Variants in EML1 observed in about 807,000 individuals in gnomAD.
EML1 encodes the protein EMAP like 1, also known as echinoderm microtubule-associated protein-like 1.
Under a neutral mutation model 110.4 loss-of-function variants are expected in EML1, and 27 were observed. The observed-to-expected ratio is 0.24, with a 90% confidence interval of 0.18 to 0.34. The LOEUF (loss-of-function observed/expected upper bound fraction) is 0.34, where lower values mean the gene tolerates loss of function less well. EML1 is among the 10% of genes least tolerant of loss of function. The pLI, the probability that EML1 is intolerant of heterozygous loss-of-function variation, is 1.00. For synonymous variants in EML1, 344 were observed against 385.8 expected (o/e 0.89, Z 1.27); for missense variants, 741 against 1,030.9 (o/e 0.72, Z 3.85).
intron 2 of EML1, among the ~76,000 whole-genome samples, chr14:99,856,614 G>T (rs2139849457): frequency 6.6e-6 from 1 of 152,106 alleles, no homozygotes; most frequent in African/African-American, 2.4e-5. Context: ...TTTCTCTTTT[G>T]CTCTTTTAGA....
intron 1 of EML1, among the ~76,000 whole-genome samples, chr14:99,846,063 AAAG>A (rs1271266093): frequency 6.6e-6 from 1 of 150,950 alleles, no homozygotes; most frequent in East Asian, 2.0e-4. Flanking sequence ...AAAAAAAAAA[AAAG>A]AAAAGAAAAA....
chr14:99,791,784 G>A (rs1361192336), upstream of EML1, among the ~76,000 whole-genome samples: 3 of 152,156 alleles, frequency 2.0e-5, no homozygotes, highest in African/African-American at 7.2e-5. Flanking sequence ...CCCTCCAAGC[G>A]TTCCTCCATC....
chr14:99,747,594 A>G lies in EML1; in HGVS notation c.28+9734A>G, dbSNP rs979446023. 3.3e-5 allele frequency among the ~76,000 whole-genome samples: 5 copies of G among 152,182 alleles called. No individual in the cohort carries two copies. In the East Asian group the frequency reaches 9.6e-4, roughly 29 times the overall value. On this transcript the variant is annotated intron_variant, in intron 1 of 10. Transcript: ENST00000554479. ...AGGAACATCCTTTCTGTGTCTATTCATGTCTCATTCACCAAACCCAGGTCT... is the reference window on the plus strand; with the variant it reads ...AGGAACATCCTTTCTGTGTCTATTCGTGTCTCATTCACCAAACCCAGGTCT...
chr14:99,797,401 T>C (rs1433132094), intron 1 of EML1, among the ~76,000 whole-genome samples: 1 of 152,244 alleles, frequency 6.6e-6, no homozygotes, highest in East Asian at 1.9e-4. Flanking sequence ...ATAATGCTAC[T>C]ATGGGCACTC....
intron 3 of EML1, among the ~76,000 whole-genome samples, chr14:99,867,272 C>T (rs1341887411): frequency 6.6e-6 from 1 of 152,192 alleles, no homozygotes. Flanking sequence ...AGGCCCCCAA[C>T]TGTATTCTTC....
intron 1 of EML1, among the ~76,000 whole-genome samples, chr14:99,788,145 CT>C (rs1324530211): frequency 1.3e-5 from 2 of 152,302 alleles, no homozygotes; most frequent in East Asian, 3.9e-4. Flanking sequence ...GTTCTGGTAG[CT>C]TCTTTTCCTC....
In EML1 at chr14:99,906,270, C is replaced by T. The variant is rs554268762; in HGVS notation, c.1009-1368C>T. 3.3e-5 allele frequency among the ~76,000 whole-genome samples: 5 copies of T among 152,154 alleles called. No individual in the cohort carries two copies. The South Asian group carries it at 6.3e-4, about 19-fold the overall frequency. On this transcript the variant is annotated intron_variant, in intron 9 of 21. Transcript: ENST00000262233. Reference sequence around the variant, plus strand: ...ATCTCACGCAAGAAAGAATTCTAGGCGATTCCATAAAGTGAAAGCAAGTTT... The same window carrying T: ...ATCTCACGCAAGAAAGAATTCTAGGTGATTCCATAAAGTGAAAGCAAGTTT...
At chr14:99,874,382 A>C (rs1477816266) in intron 3 of EML1, among the ~76,000 whole-genome samples, 1 of 152,248 alleles carries the variant, frequency 6.6e-6, no homozygotes, top group East Asian at 1.9e-4. Flanking sequence ...TGCCTTAAGC[A>C]CTAAAAAATA....
chr14:99,805,850 T>G (rs1275971592), intron 1 of EML1, among the ~76,000 whole-genome samples: 1 of 152,134 alleles, frequency 6.6e-6, no homozygotes, highest in Non-Finnish European at 1.5e-5. Context: ...TTACACATTT[T>G]TAAGTGTACA....
intron 4 of EML1, among the ~76,000 whole-genome samples, chr14:99,878,844 G>A (rs1188749831): frequency 6.6e-6 from 1 of 152,126 alleles, no homozygotes; most frequent in East Asian, 1.9e-4. Context: ...CTGTCACTCA[G>A]ATTCCCAGCA....
intron 1 of EML1, among the ~76,000 whole-genome samples, chr14:99,756,504 T>G (rs1178040974): frequency 2.0e-5 from 3 of 152,170 alleles, no homozygotes; most frequent in Non-Finnish European, 4.4e-5. Flanking sequence ...CCTGGTGGGC[T>G]TTGGGGAAAC....
chr14:99,804,085 C>T (rs1186786637), intron 1 of EML1, among the ~76,000 whole-genome samples: 1 of 152,184 alleles, frequency 6.6e-6, no homozygotes, highest in Non-Finnish European at 1.5e-5. Context: ...GCAGGATTGC[C>T]CACACTCCAC....
chr14:99,832,049 C>G (rs1412765319), intron 1 of EML1, among the ~76,000 whole-genome samples: 1 of 152,118 alleles, frequency 6.6e-6, no homozygotes, highest in Non-Finnish European at 1.5e-5. Context: ...TCAGCCCTCC[C>G]TGCCCCCCTC....
At chr14:99,779,723 G>C (rs907147226) in intron 1 of EML1, among the ~76,000 whole-genome samples, 2 of 152,232 alleles carry the variant, frequency 1.3e-5, no homozygotes, top group Admixed American at 6.5e-5. Context: ...GCTGAGGGTA[G>C]GAAGGGGCTG....
chr14:99,932,806 C>T (rs186180129), intron 17 of EML1, among the ~76,000 whole-genome samples: 1 of 151,804 alleles, frequency 6.6e-6, no homozygotes, highest in African/African-American at 2.4e-5. Flanking sequence ...TGCGTTAAAC[C>T]TGTTTGTTAA....
At chr14:99,821,343 T>C (rs1279031758) in intron 1 of EML1, among the ~76,000 whole-genome samples, 1 of 152,146 alleles carries the variant, frequency 6.6e-6, no homozygotes, top group Non-Finnish European at 1.5e-5. Flanking sequence ...TGCTTTTATA[T>C]AGAGCTTTTT....
At position 99,766,548 on chromosome 14, in the gene EML1, C is replaced by A. The variant is rs182320712; in HGVS notation, c.28+28688C>A. Among the ~76,000 whole-genome samples, 306 of 152,148 alleles carry A rather than the reference C, an allele frequency of 2.0e-3. 4 individuals are homozygous for A. Among genetic ancestry groups the A allele is most frequent in the African/African-American group, 7.1e-3 (296 of 41,500 alleles). On this transcript the variant is annotated intron_variant, in intron 1 of 10. Transcript: ENST00000554479. ...TGGTATGTTTCTATCACACATAGAC[C>A]AACTAGCAATTTTAGGGGGGCTTCC... is the stretch of plus-strand genomic sequence containing the variant.
At chr14:99,743,086 G>T (rs968791995) in intron 1 of EML1, among the ~76,000 whole-genome samples, 1 of 152,152 alleles carries the variant, frequency 6.6e-6, no homozygotes, top group Non-Finnish European at 1.5e-5. Context: ...GCGCCCCTAC[G>T]TTGAGGTTCA....
rs2058024491 is a variant in EML1, at chr14:99,808,797, G to C, written c.67+15254G>C. ...TTTTCCATCCAATTCACTGCCCTTAGAACATAACCCCAATATAAAATGATC... is the reference window on the plus strand; with the variant it reads ...TTTTCCATCCAATTCACTGCCCTTACAACATAACCCCAATATAAAATGATC... On this transcript the variant is annotated intron_variant, in intron 1 of 21. Transcript: ENST00000262233. Among the ~76,000 whole-genome samples, 3 of 152,230 alleles carry C rather than the reference G, an allele frequency of 2.0e-5. No homozygotes were observed. In the East Asian group the frequency reaches 5.8e-4, roughly 29 times the overall value.
Sources: gnomAD v4.1 joint callset for allele counts (sites outside exome capture counted in the v4.1 genomes callset) on GRCh38, gnomAD v4.1.1 for gene constraint, MANE v1.5 for transcripts, NCBI Gene and HGNC (gene_info 2026-07-23, HGNC 2026-07-21) for gene names.